SPIDR: variants seen among roughly 807,000 people sequenced by gnomAD.
SPIDR encodes DNA repair-scaffolding protein.
In SPIDR, 93 loss-of-function variants were observed where a neutral mutation model predicts 104.6. The observed-to-expected ratio is 0.89, with a 90% CI of 0.75 to 1.06. The LOEUF (loss-of-function observed/expected upper bound fraction) is 1.06, where lower values mean the gene tolerates loss of function less well. Ranked by LOEUF, SPIDR falls within the 50% of genes least tolerant of loss-of-function variation. SPIDR has a pLI of 0.00. For synonymous variants in SPIDR, 431 were observed against 416.9 expected (o/e 1.03, Z -0.41); for missense variants, 1,154 against 1,111.2 (o/e 1.04, Z -0.55).
intron 8 of SPIDR, among the ~76,000 whole-genome samples, chr8:47,535,663 A>C (rs777186031): frequency 1.4e-4 from 22 of 152,184 alleles, no homozygotes; most frequent in Non-Finnish European, 2.8e-4. Flanking sequence ...AGGATTCGAC[A>C]AAATCCAACA....
At chr8:47,707,150 AG>A (rs1050916649) in intron 14 of SPIDR, among the ~76,000 whole-genome samples, 12 of 151,518 alleles carry the variant, frequency 7.9e-5, no homozygotes, top group African/African-American at 2.9e-4. Context: ...GCTACTTGGG[AG>A]GCTGAGGCAG....
chr8:47,662,551 C>A (rs1436469571), intron 10 of SPIDR, among the ~76,000 whole-genome samples: 3 of 152,176 alleles, frequency 2.0e-5, no homozygotes, highest in Admixed American at 6.5e-5. Flanking sequence ...TCTAAAAGTT[C>A]TCTCTTCAAG....
chr8:47,277,916 G>T (rs890534835), intron 1 of SPIDR, among the ~76,000 whole-genome samples: 2 of 151,458 alleles, frequency 1.3e-5, no homozygotes, highest in African/African-American at 2.4e-5. Context: ...TTTGTGATTC[G>T]CCCGCCTTGG....
At chr8:47,559,734 T>A (rs944892394) in intron 8 of SPIDR, among the ~76,000 whole-genome samples, 2 of 152,176 alleles carry the variant, frequency 1.3e-5, no homozygotes, top group Non-Finnish European at 2.9e-5. Flanking sequence ...CTTGCTTCCT[T>A]TGTGAAGAAC....
intron 16 of SPIDR, among the ~76,000 whole-genome samples, chr8:47,722,952 C>T (rs149134187): frequency 1.3e-5 from 2 of 152,232 alleles, no homozygotes; most frequent in Non-Finnish European, 1.5e-5. Context: ...AATACTCCCA[C>T]GTCAGCCTCC....
rs755563384 is a variant in SPIDR, at chr8:47,713,499, T to G, written c.2199T>G (p.Val733=). The change falls in exon 16 of 20, where the codon GTT becomes GTG. Residue 733 remains valine (V), a synonymous_variant. Coordinates refer to ENST00000297423, the MANE Select transcript of SPIDR (RefSeq NM_001080394.4). ...TGTCTCTGTCGGCAGGTCGGATTGT[T>G]TGTGCTGAACGAACTGTCCTCTTGC... ...KDALRDQGRI[V]CAERTVLLLQ... 8 of 1,614,050 alleles carry G rather than the reference T, an allele frequency of 5.0e-6. No individual in the cohort carries two copies. The highest frequency in any genetic ancestry group is 6.8e-6 in the Non-Finnish European group (8 of 1,180,022).
chr8:47,713,331 T>C, intron 15 of SPIDR, 158 bp from the exon 16 acceptor site: 1 of 1,033,554 alleles, frequency 9.7e-7, no homozygotes, highest in Non-Finnish European at 1.4e-6. Context: ...GCTCATGGGG[T>C]TCAGGAGTGT....
intron 5 of SPIDR, among the ~76,000 whole-genome samples, chr8:47,314,630 A>T (rs4515550): frequency 0.026 from 3,936 of 152,228 alleles, 280 homozygotes; most frequent in Admixed American, 0.15. Context: ...GAATAGCATG[A>T]GGGTAACTGC....
At chr8:47,593,026 A>G (rs1325139703) in intron 8 of SPIDR, among the ~76,000 whole-genome samples, 9 of 152,080 alleles carry the variant, frequency 5.9e-5, no homozygotes, top group Admixed American at 3.9e-4. Context: ...AGCTGGGATT[A>G]CAGCCATGCC....
chr8:47,327,604 C>G (rs2047909170), intron 5 of SPIDR, among the ~76,000 whole-genome samples: 1 of 151,996 alleles, frequency 6.6e-6, no homozygotes, highest in Non-Finnish European at 1.5e-5. Flanking sequence ...GTTCTGTTGC[C>G]CAGGTTGGAG....
At chr8:47,596,074 C>A in intron 9 of SPIDR, 68 bp downstream of exon 9, 1 of 1,412,596 alleles carries the variant, frequency 7.1e-7, no homozygotes, top group South Asian at 1.3e-5. Flanking sequence ...GGAAGGGCTT[C>A]AGTGTAAGTG....
intron 5 of SPIDR, among the ~76,000 whole-genome samples, chr8:47,358,768 A>G (rs1360307421): frequency 4.6e-5 from 7 of 152,166 alleles, no homozygotes; most frequent in Admixed American, 2.6e-4. Context: ...TTTTATGTCC[A>G]TTTTCTGCTT....
At position 47,440,323 on chromosome 8, in the gene SPIDR, G is replaced by A. The variant is rs374267142; in HGVS notation, c.878G>A (p.Gly293Asp). The change falls in exon 8 of 20, where the codon GGT becomes GAT. Residue 293 changes from glycine (G) to aspartate (D), a missense_variant and splice_region_variant. Physicochemically the swap from Gly to Asp is moderately conservative, Grantham distance 94. Transcript: ENST00000297423. ...QCISYQKTLS[G>D]RKSGVLTVKI... is the part of the protein sequence containing the mutation. ...CTTTGTTCTTTTCTTCAACTTCTAG[G>A]TAGAAAATCTGGTGTATTAACTGTG... 2 of 1,613,228 alleles carry A rather than the reference G, an allele frequency of 1.2e-6. No individual in the cohort carries two copies. The highest frequency in any genetic ancestry group is 1.3e-5 in the African/African-American group (1 of 74,832).
intron 5 of SPIDR, among the ~76,000 whole-genome samples, chr8:47,336,890 G>C (rs1417669351): frequency 6.6e-6 from 1 of 152,128 alleles, no homozygotes; most frequent in Admixed American, 6.5e-5. Flanking sequence ...ATTCCCACTA[G>C]AAATGTTTGA....
At chr8:47,517,023 C>T (rs1013607489) in intron 8 of SPIDR, among the ~76,000 whole-genome samples, 10 of 152,128 alleles carry the variant, frequency 6.6e-5, no homozygotes, top group East Asian at 1.9e-4. Context: ...AATGACTTGT[C>T]GCCCAGGCTG....
intron 10 of SPIDR, among the ~76,000 whole-genome samples, chr8:47,627,511 G>A (rs2066370807): frequency 6.6e-6 from 1 of 152,144 alleles, no homozygotes; most frequent in African/African-American, 2.4e-5. Flanking sequence ...ATTTATCTGT[G>A]ATATATATTT....
intron 5 of SPIDR, among the ~76,000 whole-genome samples, chr8:47,300,098 G>A (rs1180470527): frequency 6.6e-6 from 1 of 152,082 alleles, no homozygotes; most frequent in Non-Finnish European, 1.5e-5. Flanking sequence ...TTTTTGTTTG[G>A]TAAGCTATTA....
intron 8 of SPIDR, among the ~76,000 whole-genome samples, chr8:47,561,284 G>A (rs1274299211): frequency 3.3e-5 from 5 of 152,168 alleles, no homozygotes; most frequent in Non-Finnish European, 7.4e-5. Flanking sequence ...TTAGAGTATT[G>A]TATTTCTTTT....
chr8:47,307,110 G>C (rs1224638909), intron 5 of SPIDR, among the ~76,000 whole-genome samples: 1 of 151,796 alleles, frequency 6.6e-6, no homozygotes, highest in Non-Finnish European at 1.5e-5. Context: ...TCATTTTGTT[G>C]TTTGTTGTTT....
Sources: gnomAD v4.1 joint callset for allele counts (sites outside exome capture counted in the v4.1 genomes callset) on GRCh38, gnomAD v4.1.1 for gene constraint, MANE v1.5 for transcripts, NCBI Gene and HGNC (gene_info 2026-07-23, HGNC 2026-07-21) for gene names.